Variants in PCDHA4 observed in about 807,000 individuals in gnomAD.
PCDHA4 encodes the protein protocadherin alpha 4.
In PCDHA4, 49 loss-of-function variants were observed where a neutral mutation model predicts 61.4. The ratio of observed to expected loss-of-function variants is 0.80; its 90% CI spans 0.63 to 1.01. PCDHA4 has a LOEUF of 1.01. PCDHA4 is among the 50% of genes least tolerant of loss of function. PCDHA4 has a pLI of 0.00. For missense variants in PCDHA4, 1,254 were observed against 1,235.8 expected (o/e 1.01, Z -0.22); for synonymous variants, 590 against 550.3 (o/e 1.07, Z -1.01).
intron 3 of PCDHA4, among the ~76,000 whole-genome samples, chr5:140,994,595 C>CT (rs1554254262): frequency 6.6e-6 from 1 of 151,984 alleles, no homozygotes; most frequent in East Asian, 1.9e-4. Context: ...GTCTCAGCTA[C>CT]TTGGGAGGCT....
At chr5:140,969,337 AC>A in intron 1 of PCDHA4, 1 of 1,613,970 alleles carries the variant, frequency 6.2e-7, no homozygotes, top group East Asian at 2.2e-5. Flanking sequence ...ATGAGGTGAG[AC>A]AGTGGTCAGG....
chr5:140,967,018 G>T, intron 1 of PCDHA4: 1 of 1,607,168 alleles, frequency 6.2e-7, no homozygotes, highest in Non-Finnish European at 8.5e-7. Context: ...ATCTGGGTGC[G>T]CCCAGTCCGC....
intron 1 of PCDHA4, among the ~76,000 whole-genome samples, chr5:140,903,933 A>G (rs1348730153): frequency 1.3e-5 from 2 of 152,220 alleles, no homozygotes; most frequent in East Asian, 1.9e-4. Context: ...ATTGGATAAT[A>G]CCTCTTAAAT....
intron 1 of PCDHA4, chr5:140,850,280 C>G: frequency 6.3e-7 from 1 of 1,595,478 alleles, no homozygotes; most frequent in Non-Finnish European, 8.6e-7. Flanking sequence ...GGAAGGTGCG[C>G]GCAGTGGACG....
At chr5:140,984,281 C>G (rs574169465) in intron 3 of PCDHA4, among the ~76,000 whole-genome samples, 32 of 152,336 alleles carry the variant, frequency 2.1e-4, no homozygotes, top group African/African-American at 7.5e-4. Context: ...AATACATTCT[C>G]CCTCCCATTG....
rs1464673358 is a variant in PCDHA4 at position 140,894,228 on chromosome 5, A to T, written c.2385+84656A>T. 2.6e-5 allele frequency among the ~76,000 whole-genome samples: 4 copies of T among 152,088 alleles called. No homozygotes were observed. In the South Asian group the frequency reaches 8.3e-4, roughly 31 times the overall value. ...TTATATTCTCATTTTAAAGATGTTG[A>T]ATGACAATGTAATTTTCTTTTCTTT... is the stretch of plus-strand genomic sequence containing the variant. On this transcript the variant is annotated intron_variant, in intron 1 of 3. Transcript: ENST00000530339.
intron 3 of PCDHA4, among the ~76,000 whole-genome samples, chr5:140,986,383 A>G (rs1277624649): frequency 2.6e-5 from 4 of 152,178 alleles, no homozygotes; most frequent in Admixed American, 1.3e-4. Flanking sequence ...GGGGAGGGAC[A>G]TTAAAGGGCC....
At chr5:140,838,717 C>T (rs1775851358) in intron 1 of PCDHA4, among the ~76,000 whole-genome samples, 1 of 151,954 alleles carries the variant, frequency 6.6e-6, no homozygotes, top group Admixed American at 6.6e-5. Context: ...AGGAGGATTG[C>T]TTCAGTCTAG....
rs782096178 is a variant in PCDHA4 at position 140,876,689 on chromosome 5, CGTT to C, written c.2385+67119_2385+67121del. The C allele has an allele frequency of 6.2e-6, 10 of 1,614,110 alleles. No homozygotes were observed. The East Asian group carries it at 1.6e-4, about 25-fold the overall frequency. On this transcript the variant is annotated intron_variant, in intron 1 of 3. Coordinates refer to ENST00000530339, the MANE Select transcript of PCDHA4 (RefSeq NM_018907.4). ...GTGTCCACCTACAAGAATTACTACT[CGTT>C]GGTGCTGGACAGCGCCCTGGACCGC...
intron 1 of PCDHA4, among the ~76,000 whole-genome samples, chr5:140,905,814 G>T (rs1303983123): frequency 6.6e-6 from 1 of 152,090 alleles, no homozygotes; most frequent in Non-Finnish European, 1.5e-5. Flanking sequence ...GAATTAATAG[G>T]CTAGATGTGT....
chr5:140,884,734 C>A (rs1198575388), intron 1 of PCDHA4: 5 of 1,445,332 alleles, frequency 3.5e-6, no homozygotes, highest in Non-Finnish European at 4.6e-6. Flanking sequence ...TTTAAGACAT[C>A]TTTCCTGCCA....
At chr5:140,877,686 G>C in intron 1 of PCDHA4, 1 of 1,613,818 alleles carries the variant, frequency 6.2e-7, no homozygotes, top group South Asian at 1.1e-5. Context: ...GCAAGCCCAC[G>C]CTGGTGTGCT....
At position 140,969,194 on chromosome 5, in the gene PCDHA4, A is replaced by G. The variant is rs782262250; in HGVS notation, c.2386-9755A>G. On this transcript the variant is annotated intron_variant, in intron 1 of 3. Coordinates refer to ENST00000530339, the MANE Select transcript of PCDHA4 (RefSeq NM_018907.4). ...AGGGAGTGACACTTTCATGTTTTAC[A>G]ATACAGGGGCCCAGACAGGACCAGG... 1.8e-5 allele frequency: 29 copies of G among 1,614,026 alleles called. No homozygotes were observed. The highest frequency in any genetic ancestry group is 2.3e-5 in the Non-Finnish European group (27 of 1,180,018).
At chr5:140,838,268 C>T (rs1775630088) in intron 1 of PCDHA4, among the ~76,000 whole-genome samples, 2 of 138,020 alleles carry the variant, frequency 1.4e-5, no homozygotes, top group Admixed American at 7.6e-5. Context: ...CGCCAACAAC[C>T]AAGCCATGCT....
intron 2 of PCDHA4, among the ~76,000 whole-genome samples, chr5:140,979,661 GTCTC>G (rs2096859733): frequency 6.6e-6 from 1 of 152,146 alleles, no homozygotes; most frequent in South Asian, 2.1e-4. Context: ...TCTCTACTTT[GTCTC>G]TCTGACAGTA....
rs2150351247 is a variant in PCDHA4, at chr5:140,843,055, C to T, written c.2385+33483C>T. The stretch of plus-strand genomic sequence containing the variant: ...TGGGTGGCACTGGTGGCGCAGCGAG[C>T]AAGCTGGTGCCGCGGTCTGTGGGCG... On this transcript the variant is annotated intron_variant, in intron 1 of 3. Coordinates refer to ENST00000530339, the MANE Select transcript of PCDHA4 (RefSeq NM_018907.4). 5 of 1,595,064 alleles carry T rather than the reference C, an allele frequency of 3.1e-6. 1 individual carries two copies. Among genetic ancestry groups the T allele is most frequent in the Non-Finnish European group, 4.3e-6 (5 of 1,165,218 alleles).
At chr5:140,851,091 G>C in intron 1 of PCDHA4, 1 of 1,292,680 alleles carries the variant, frequency 7.7e-7, no homozygotes, top group Non-Finnish European at 1.0e-6. Flanking sequence ...ATATTAAATA[G>C]ATATTTTTTG....
chr5:140,905,632 G>A lies in PCDHA4; in HGVS notation c.2386-73317G>A, dbSNP rs146826869. 9.9e-4 allele frequency among the ~76,000 whole-genome samples: 150 copies of A among 152,224 alleles called. 1 individual carries two copies. Among genetic ancestry groups the A allele is most frequent in the African/African-American group, 3.4e-3 (141 of 41,546 alleles). ...TCTATAGATTGCTTTTGACAGTATG[G>A]TCAGTTTCACAGTATTGATTCCTGT... On this transcript the variant is annotated intron_variant, in intron 1 of 3. Transcript: ENST00000530339.
intron 1 of PCDHA4, chr5:140,830,436 T>C (rs2150186408): frequency 1.3e-5 from 21 of 1,612,796 alleles, no homozygotes; most frequent in South Asian, 5.5e-5. Flanking sequence ...TGTCCTATTA[T>C]GATGGGTAAG....
Sources: allele counts gnomAD v4.1 joint callset (sites outside exome capture counted in the v4.1 genomes callset), GRCh38; gene constraint gnomAD v4.1.1; transcripts MANE v1.5; gene names NCBI Gene and HGNC (gene_info 2026-07-23, HGNC 2026-07-21).